Variants in MMP17 observed in about 807,000 individuals in gnomAD.
MMP17 encodes matrix metallopeptidase 17.
MMP17 carries 54 observed loss-of-function variants against 49.1 expected under a neutral mutation model. The observed-to-expected ratio is 1.10, with a 90% confidence interval of 0.88 to 1.38. The LOEUF (loss-of-function observed/expected upper bound fraction) is 1.38, where lower values mean the gene tolerates loss of function less well. Among genes scored for constraint, MMP17 ranks in the 40% most tolerant of loss-of-function variants. The pLI, the probability that MMP17 is intolerant of heterozygous loss-of-function variation, is 0.00. For synonymous variants in MMP17, 397 were observed against 383.1 expected (o/e 1.04, Z -0.42); for missense variants, 837 against 853.7 (o/e 0.98, Z 0.24).
rs1320275711 is a variant in MMP17 at position 131,851,708 on chromosome 12, A to G, written c.*434A>G. The G allele has an allele frequency of 6.0e-6, 1 of 166,054 alleles. No individual in the cohort carries two copies. Among genetic ancestry groups the G allele is most frequent in the African/African-American group, 2.4e-5 (1 of 41,502 alleles). The allele number at this position is 166,054 out of a possible 1,614,324, so 10.3% of individuals were successfully genotyped here. A position where few individuals can be genotyped will look rare whatever the true frequency, so the allele number is the denominator to read the frequency against. ...AGCCCTCCCCACAGACGAGCCCCCC[A>G]CATGGTGCCGCGGCACGTCCCCCCT... On this transcript the variant is annotated 3_prime_UTR_variant, in exon 10 of 10. Coordinates refer to ENST00000360564, the MANE Select transcript of MMP17 (RefSeq NM_016155.7).
At chr12:131,848,203 A>C (rs1365359723) in intron 8 of MMP17, among the ~76,000 whole-genome samples, 2 of 152,170 alleles carry the variant, frequency 1.3e-5, no homozygotes, top group East Asian at 3.9e-4. Context: ...CTCCTGCCTT[A>C]GGCTCCTGAG....
chr12:131,835,231 G>T (rs967988794), intron 1 of MMP17, among the ~76,000 whole-genome samples: 1 of 152,212 alleles, frequency 6.6e-6, no homozygotes, highest in Non-Finnish European at 1.5e-5. Flanking sequence ...CCCAAGATTC[G>T]ATGCCATTCT....
chr12:131,840,861 G>T lies in MMP17; in HGVS notation c.706+5G>T, dbSNP rs778278643. On this transcript the variant is annotated splice_donor_5th_base_variant and intron_variant, in intron 4 of 9. Coordinates refer to ENST00000360564, the MANE Select transcript of MMP17 (RefSeq NM_016155.7). ...CCTGGACCTTCCGCTCCTCGGGTGC[G>T]TCTGGGGCAGCCCTCAGGGCAGAGT... 1.3e-6 allele frequency: 2 copies of T among 1,585,790 alleles called. No individual in the cohort carries two copies. The highest frequency in any genetic ancestry group is 2.2e-5 in the East Asian group (1 of 44,464).
Position 131,838,638 on chromosome 12 carries a change from A to AC in MMP17, c.323dup (p.Arg109ThrfsTer87). ...CGAGGCCACCCTGGCCCTGATGAAA[A>AC]CCCCACGCTGCTCCCTGCCAGACCT... On this transcript the variant is annotated frameshift_variant, in exon 3 of 10. Coordinates refer to ENST00000360564, the MANE Select transcript of MMP17 (RefSeq NM_016155.7). The AC allele has an allele frequency of 6.2e-7, 1 of 1,610,088 alleles. No homozygotes were observed. Among genetic ancestry groups the AC allele is most frequent in the Non-Finnish European group, 8.5e-7 (1 of 1,179,366 alleles).
intron 8 of MMP17, among the ~76,000 whole-genome samples, chr12:131,847,574 C>T (rs1467846606): frequency 6.6e-6 from 1 of 152,260 alleles, no homozygotes; most frequent in Non-Finnish European, 1.5e-5. Flanking sequence ...GATCCCATCA[C>T]GTGCGGCTCC....
chr12:131,847,583 C>T (rs1751903163), intron 8 of MMP17, among the ~76,000 whole-genome samples: 1 of 152,262 alleles, frequency 6.6e-6, no homozygotes, highest in African/African-American at 2.4e-5. Flanking sequence ...ACGTGCGGCT[C>T]CCCTGCCTTG....
In MMP17 at chr12:131,838,245, G is replaced by C; in HGVS notation, c.210G>C (p.Gly70=). The C allele has an allele frequency of 6.2e-7, 1 of 1,613,190 alleles. No homozygotes were observed. The highest frequency in any genetic ancestry group is 8.5e-7 in the Non-Finnish European group (1 of 1,179,962). ...GYLPPADPTT[G]QLQTQEELSK... ...TGCCCCCGGCTGACCCCACAACAGG[G>C]CAGCTGCAGACGCAAGAGGAGCTGT... Residue 70 remains glycine (G), a synonymous_variant, in exon 2 of 10, where the codon GGG becomes GGC. Transcript: ENST00000360564.
rs1409142201 is a variant in MMP17 at position 131,846,221 on chromosome 12, C to T, written c.1204+772C>T. ...AGGGTGGGTCCCCTCTGGAGGCTGT[C>T]CCAGGCCTCTCCCACATCCAGTGTC... On this transcript the variant is annotated intron_variant, in intron 8 of 9. Transcript: ENST00000360564. This position sits in a 1 kb window ranked among gnomAD's most constrained non-coding sequence, Gnocchi z 4.6. Among the ~76,000 whole-genome samples, 1 of 152,138 alleles carries T rather than the reference C, an allele frequency of 6.6e-6. No homozygotes were observed. Among genetic ancestry groups the T allele is most frequent in the Non-Finnish European group, 1.5e-5 (1 of 68,014 alleles).
intron 1 of MMP17, among the ~76,000 whole-genome samples, chr12:131,836,290 C>T (rs1055797847): frequency 2.6e-5 from 4 of 152,092 alleles, no homozygotes; most frequent in Admixed American, 6.5e-5. Context: ...CCCCTCCTGG[C>T]CAGCACGGCC....
intron 9 of MMP17, 94 bp downstream of exon 9, chr12:131,850,153 G>A: frequency 6.9e-7 from 1 of 1,448,982 alleles, no homozygotes; most frequent in East Asian, 2.5e-5. Flanking sequence ...TCCCTGAAAG[G>A]AGGACGGCCC....
chr12:131,841,607 G>C lies in MMP17; in HGVS notation c.707-17G>C, dbSNP rs764858174. ...GCCCTTCTTGCCCTTAGTTCACATG[G>C]CTCCCTGTGTCCCCAGATGCCCACG... On this transcript the variant is annotated splice_polypyrimidine_tract_variant and intron_variant, in intron 4 of 9. Transcript: ENST00000360564. The C allele has an allele frequency of 6.2e-7, 1 of 1,613,712 alleles. No individual in the cohort carries two copies. The highest frequency in any genetic ancestry group is 2.2e-5 in the East Asian group (1 of 44,878).
In MMP17 at chr12:131,840,834, G is replaced by A. The variant is rs1887364934; in HGVS notation, c.684G>A (p.Glu228=). ...TAGDTHFDDD[E]AWTFRSSDAH... Reference sequence around the variant, plus strand: ...GGGACACCCACTTTGACGATGACGAGGCCTGGACCTTCCGCTCCTCGGGTG... The same window carrying A: ...GGGACACCCACTTTGACGATGACGAAGCCTGGACCTTCCGCTCCTCGGGTG... The change falls in exon 4 of 10, where the codon GAG becomes GAA. Residue 228 remains glutamate, a synonymous_variant. Transcript: ENST00000360564. 6.2e-7 allele frequency: 1 copy of A among 1,603,252 alleles called. No homozygotes were observed.
At position 131,850,911 on chromosome 12, in the gene MMP17, C is replaced by A. The variant is rs371189292; in HGVS notation, c.1463-14C>A. The stretch of plus-strand genomic sequence containing the variant: ...CAGCCCTCCCCTGAGCTCAGCTCTC[C>A]CTCCTCTTCTCAGGTGCCTCCTACT... On this transcript the variant is annotated splice_polypyrimidine_tract_variant and intron_variant, in intron 9 of 9. Coordinates refer to ENST00000360564, the MANE Select transcript of MMP17 (RefSeq NM_016155.7). 5.8e-5 allele frequency: 85 copies of A among 1,462,738 alleles called. No individual in the cohort carries two copies. Among genetic ancestry groups the A allele is most frequent in the Non-Finnish European group, 7.2e-5 (79 of 1,104,506 alleles). 90.6% of individuals were successfully genotyped at this position (1,462,738 alleles called of 1,614,324 possible).
chr12:131,833,686 C>T (rs997583258), intron 1 of MMP17, among the ~76,000 whole-genome samples: 6 of 152,370 alleles, frequency 3.9e-5, no homozygotes, highest in African/African-American at 1.4e-4. Context: ...GGGCTGATGA[C>T]ACCTGCTCTC....
chr12:131,840,868 G>A lies in MMP17; in HGVS notation c.706+12G>A, dbSNP rs752745552. ...CTTCCGCTCCTCGGGTGCGTCTGGG[G>A]CAGCCCTCAGGGCAGAGTCAGGAGC... On this transcript the variant is annotated intron_variant, in intron 4 of 9. Coordinates refer to ENST00000360564, the MANE Select transcript of MMP17 (RefSeq NM_016155.7). 1.3e-6 allele frequency: 2 copies of A among 1,580,034 alleles called. No homozygotes were observed. Among genetic ancestry groups the A allele is most frequent in the South Asian group, 1.1e-5 (1 of 87,870 alleles).
In MMP17 at chr12:131,843,992, C is replaced by T. The variant is rs370679033; in HGVS notation, c.884-5C>T. The stretch of plus-strand genomic sequence containing the variant: ...TGAGGCCGTCCTCCTCCTTGTCTCC[C>T]GCAGGTGTGCGGGAGTCTGTGTCTC... On this transcript the variant is annotated splice_region_variant and splice_polypyrimidine_tract_variant and intron_variant, in intron 5 of 9. Transcript: ENST00000360564. 4.5e-6 allele frequency: 7 copies of T among 1,548,250 alleles called. No homozygotes were observed. The highest frequency in any genetic ancestry group is 2.4e-5 in the East Asian group (1 of 41,226).
At chr12:131,836,165 G>A (rs566020167) in intron 1 of MMP17, among the ~76,000 whole-genome samples, 15 of 152,300 alleles carry the variant, frequency 9.8e-5, no homozygotes, top group African/African-American at 3.6e-4. Flanking sequence ...GGCTGGGCTG[G>A]GTCAGTAGGG....
At chr12:131,842,249 G>T (rs1020030599) in intron 5 of MMP17, among the ~76,000 whole-genome samples, 3 of 152,162 alleles carry the variant, frequency 2.0e-5, no homozygotes, top group African/African-American at 7.2e-5. Flanking sequence ...GTGAGGCAGA[G>T]CCCCTGTCCT....
chr12:131,843,232 C>T (rs1037837916), intron 5 of MMP17, among the ~76,000 whole-genome samples: 3 of 148,920 alleles, frequency 2.0e-5, no homozygotes, highest in Non-Finnish European at 4.4e-5. Flanking sequence ...TCCCAAAGTG[C>T]TGGGATTATA....
Sources: gnomAD v4.1 joint callset for allele counts (sites outside exome capture counted in the v4.1 genomes callset) on GRCh38, gnomAD v4.1.1 for gene constraint, Gnocchi (gnomAD v3.1) non-coding constraint, MANE v1.5 for transcripts, NCBI Gene and HGNC (gene_info 2026-07-23, HGNC 2026-07-21) for gene names.